ARID3B: variants seen among roughly 807,000 people sequenced by gnomAD.
ARID3B encodes AT-rich interaction domain 3B, also known as AT-rich interactive domain-containing protein 3B.
ARID3B carries 10 observed loss-of-function variants against 51.9 expected under a neutral mutation model. The observed-to-expected ratio is 0.19, with a 90% CI of 0.12 to 0.33. ARID3B has a LOEUF of 0.33. Ranked by LOEUF, ARID3B falls within the 10% of genes least tolerant of loss-of-function variation. ARID3B has a pLI of 1.00. For missense variants in ARID3B, 483 were observed against 716.3 expected (o/e 0.67, Z 3.72); for synonymous variants, 205 against 279.5 (o/e 0.73, Z 2.66).
At chr15:74,553,191 A>G (rs947465216) in intron 2 of ARID3B, among the ~76,000 whole-genome samples, 1 of 152,232 alleles carries the variant, frequency 6.6e-6, no homozygotes, top group African/African-American at 2.4e-5. Context: ...AAGCAATGTC[A>G]TGTACACTTT....
At chr15:74,570,686 C>T (rs1054133050) in intron 2 of ARID3B, among the ~76,000 whole-genome samples, 1 of 152,066 alleles carries the variant, frequency 6.6e-6, no homozygotes, top group Non-Finnish European at 1.5e-5. Context: ...GACTTTCCAG[C>T]AGGAATTACT....
At chr15:74,582,360 G>T (rs908254457) in intron 4 of ARID3B, among the ~76,000 whole-genome samples, 6 of 152,036 alleles carry the variant, frequency 3.9e-5, no homozygotes, top group Non-Finnish European at 8.8e-5. Context: ...TATAGATGGG[G>T]TGTCACCATG....
At chr15:74,559,987 A>C (rs1235959433) in intron 2 of ARID3B, among the ~76,000 whole-genome samples, 1 of 144,632 alleles carries the variant, frequency 6.9e-6, no homozygotes, top group Non-Finnish European at 1.5e-5. Flanking sequence ...TGAGCCCAGG[A>C]GTTTGAGACC....
rs116867689 is a variant in ARID3B at position 74,582,918 on chromosome 15, G to T, written c.698-6902G>T. Among the ~76,000 whole-genome samples the T allele has an allele frequency of 3.1e-4, 47 of 152,214 alleles. No individual in the cohort carries two copies. The East Asian group carries it at 8.9e-3, about 29-fold the overall frequency. On this transcript the variant is annotated intron_variant, in intron 4 of 8. Transcript: ENST00000346246. Reference sequence around the variant, plus strand: ...CCGTAGAAAGTTATGAACTAGCCGGGTACGGTGGCTCACACCTGTAATCCC... The same window carrying T: ...CCGTAGAAAGTTATGAACTAGCCGGTTACGGTGGCTCACACCTGTAATCCC...
intron 4 of ARID3B, among the ~76,000 whole-genome samples, chr15:74,583,826 T>C (rs375320072): frequency 2.0e-5 from 3 of 152,120 alleles, no homozygotes; most frequent in South Asian, 4.1e-4. Context: ...CTATACCATA[T>C]GTAAGTTAGA....
chr15:74,563,968 A>G (rs1031082237), intron 2 of ARID3B, among the ~76,000 whole-genome samples: 1 of 152,168 alleles, frequency 6.6e-6, no homozygotes, highest in Non-Finnish European at 1.5e-5. Flanking sequence ...CCCGCTTTCT[A>G]CAGCTTAATC....
chr15:74,582,054 T>C (rs2061763873), intron 4 of ARID3B, among the ~76,000 whole-genome samples: 1 of 152,144 alleles, frequency 6.6e-6, no homozygotes, highest in African/African-American at 2.4e-5. Context: ...TCCACTCCTC[T>C]CCTGGAGATG....
At chr15:74,582,236 C>T (rs1475836968) in intron 4 of ARID3B, among the ~76,000 whole-genome samples, 1 of 151,006 alleles carries the variant, frequency 6.6e-6, no homozygotes, top group Non-Finnish European at 1.5e-5. Flanking sequence ...GGCGCGATTT[C>T]GGCTCACTGC....
chr15:74,557,017 C>T (rs957879220), intron 2 of ARID3B, among the ~76,000 whole-genome samples: 1 of 151,892 alleles, frequency 6.6e-6, no homozygotes, highest in African/African-American at 2.4e-5. Context: ...CCTCGTGATC[C>T]ACCCGCTTCG....
chr15:74,577,312 A>T (rs1012147773), intron 4 of ARID3B, among the ~76,000 whole-genome samples: 15 of 140,292 alleles, frequency 1.1e-4, no homozygotes, highest in Non-Finnish European at 2.2e-4. Flanking sequence ...CCTGTAATTT[A>T]AAAAAAAAAA....
chr15:74,546,155 T>G (rs554474792), intron 2 of ARID3B, among the ~76,000 whole-genome samples: 1 of 152,180 alleles, frequency 6.6e-6, no homozygotes, highest in Non-Finnish European at 1.5e-5. Context: ...AATCAGAGAA[T>G]CCCAACTTCC....
rs2061831358 is a variant in ARID3B at position 74,597,328 on chromosome 15, T to C, written c.*1554T>C. ...CCACTGTGACATGGGGCTGTGGCAG[T>C]GGGAGACACCGCGCGTGGCGTGGGT... On this transcript the variant is annotated 3_prime_UTR_variant, in exon 9 of 9. Transcript: ENST00000346246. 1 of 416,366 alleles carries C rather than the reference T, an allele frequency of 2.4e-6. No homozygotes were observed. The highest frequency in any genetic ancestry group is 4.5e-6 in the Non-Finnish European group (1 of 220,780). 25.8% of individuals were successfully genotyped at this position (416,366 alleles called of 1,614,324 possible). A position where few individuals can be genotyped will look rare whatever the true frequency, so the allele number is the denominator to read the frequency against.
At chr15:74,592,724 G>C (rs1383426973) in intron 7 of ARID3B, among the ~76,000 whole-genome samples, 1 of 152,236 alleles carries the variant, frequency 6.6e-6, no homozygotes, top group African/African-American at 2.4e-5. Context: ...TCCTCTCTCT[G>C]AGGGACTCAG....
At chr15:74,554,656 T>C (rs2061650603) in intron 2 of ARID3B, among the ~76,000 whole-genome samples, 1 of 152,236 alleles carries the variant, frequency 6.6e-6, no homozygotes, top group Non-Finnish European at 1.5e-5. Flanking sequence ...GTTTTCTCTT[T>C]TTCTGTCTTG....
chr15:74,589,714 TTGA>T, intron 4 of ARID3B, 103 bp from the exon 5 acceptor site: 1 of 1,214,754 alleles, frequency 8.2e-7, no homozygotes, highest in Non-Finnish European at 1.2e-6. Flanking sequence ...CACTTCCAGG[TTGA>T]TGAGCATTGT....
At chr15:74,556,428 A>G (rs994519057) in intron 2 of ARID3B, among the ~76,000 whole-genome samples, 1 of 152,204 alleles carries the variant, frequency 6.6e-6, no homozygotes, top group Non-Finnish European at 1.5e-5. Flanking sequence ...ACCATAACAG[A>G]TGTAATAATT....
intron 2 of ARID3B, among the ~76,000 whole-genome samples, chr15:74,561,740 C>CA (rs1320026820): frequency 6.6e-6 from 1 of 152,188 alleles, no homozygotes; most frequent in Non-Finnish European, 1.5e-5. Context: ...TAGTGCCTGG[C>CA]AGGTAGTTAG....
intron 8 of ARID3B, among the ~76,000 whole-genome samples, chr15:74,594,679 G>A (rs1318828759): frequency 6.6e-6 from 1 of 152,254 alleles, no homozygotes; most frequent in Non-Finnish European, 1.5e-5. Flanking sequence ...CGCCCTGCAG[G>A]CCTCCTGGGA....
chr15:74,597,105 A>G lies in ARID3B; in HGVS notation c.*1331A>G, dbSNP rs1310701374. 2 of 240,126 alleles carry G rather than the reference A, an allele frequency of 8.3e-6. No homozygotes were observed. Among genetic ancestry groups the G allele is most frequent in the Non-Finnish European group, 1.6e-5 (2 of 122,560 alleles). 14.9% of individuals were successfully genotyped at this position (240,126 alleles called of 1,614,324 possible). On this transcript the variant is annotated 3_prime_UTR_variant, in exon 9 of 9. Transcript: ENST00000346246. ...CACCTCCCCATCACTCAGCATTCCC[A>G]GCTCAGGGCACAGGCAGGCTGGGGT...
Sources: gnomAD v4.1 joint callset for allele counts (sites outside exome capture counted in the v4.1 genomes callset) on GRCh38, gnomAD v4.1.1 for gene constraint, MANE v1.5 for transcripts, NCBI Gene and HGNC (gene_info 2026-07-23, HGNC 2026-07-21) for gene names.